Variants in ZGRF1 observed in about 807,000 individuals in gnomAD.
ZGRF1 encodes the protein zinc finger GRF-type containing 1.
In ZGRF1, 196 loss-of-function variants were observed where a neutral mutation model predicts 203.5. That is an observed-to-expected ratio of 0.96 (90% CI 0.86 to 1.08). The LOEUF is 1.08. Ranked by LOEUF, ZGRF1 falls within the 50% of genes least tolerant of loss-of-function variation. The probability of loss-of-function intolerance (pLI) is 0.00; values close to 1 mark genes in which losing one functional copy is unlikely to be tolerated. For synonymous variants in ZGRF1, 809 were observed against 841.3 expected, an observed-to-expected ratio of 0.96 and a Z score of 0.66; for missense variants, 2,326 against 2,416.3, an observed-to-expected ratio of 0.96 and a Z score of 0.78.
In ZGRF1 at chr4:112,554,750, C is replaced by A; in HGVS notation, c.5153G>T (p.Arg1718Ile). ...GGCAATCTTCCTAACACTCCCAACT[C>A]TGATAAAGTTTTCAAATCCAAGACT... ...LLSLGFENFI[R>I]VGSVRKIAKP... Residue 1718 changes from arginine (R) to isoleucine (I), a missense_variant, in exon 21 of 28, where the codon AGA becomes ATA. Coordinates refer to ENST00000505019, the MANE Select transcript of ZGRF1 (RefSeq NM_018392.5). 6.5e-7 allele frequency: 1 copy of A among 1,544,578 alleles called. No individual in the cohort carries two copies. Among genetic ancestry groups the A allele is most frequent in the Non-Finnish European group, 8.8e-7 (1 of 1,140,770 alleles).
chr4:112,598,298 GA>G (rs1749376644), intron 10 of ZGRF1, among the ~76,000 whole-genome samples: 1 of 152,036 alleles, frequency 6.6e-6, no homozygotes, highest in Admixed American at 6.5e-5. Flanking sequence ...TGAGGGTATG[GA>G]AAAACTTTGC....
chr4:112,580,538 G>T (rs1342029802), intron 16 of ZGRF1, among the ~76,000 whole-genome samples: 3 of 151,512 alleles, frequency 2.0e-5, no homozygotes, highest in Non-Finnish European at 4.4e-5. Context: ...TCTGACAAAG[G>T]GCTAATATCT....
intron 6 of ZGRF1, among the ~76,000 whole-genome samples, chr4:112,616,440 A>G (rs2046872782): frequency 6.6e-6 from 1 of 150,858 alleles, no homozygotes; most frequent in Non-Finnish European, 1.5e-5. Flanking sequence ...CAGGAGAATC[A>G]CTTGAACCCA....
chr4:112,563,768 T>A (rs541229738), intron 16 of ZGRF1, among the ~76,000 whole-genome samples: 2 of 152,218 alleles, frequency 1.3e-5, no homozygotes, highest in South Asian at 4.1e-4. Flanking sequence ...GTATTTCTCA[T>A]AGCAGTTCTG....
intron 24 of ZGRF1, among the ~76,000 whole-genome samples, chr4:112,544,610 G>T (rs1486864): frequency 0.67 from 101,668 of 152,036 alleles, 34,401 homozygotes; most frequent in East Asian, 0.91. Flanking sequence ...TTCCAGGTAC[G>T]GAGAAAACAG....
intron 6 of ZGRF1, among the ~76,000 whole-genome samples, chr4:112,616,896 A>G (rs1179833314): frequency 6.6e-6 from 1 of 152,028 alleles, no homozygotes; most frequent in Non-Finnish European, 1.5e-5. Context: ...TCTGTGGTAT[A>G]GGATTGGAAT....
At chr4:112,591,410 C>A (rs746103652) in intron 10 of ZGRF1, among the ~76,000 whole-genome samples, 5 of 152,166 alleles carry the variant, frequency 3.3e-5, no homozygotes, top group Non-Finnish European at 5.9e-5. Context: ...CCCCTACTAC[C>A]CTCTCCAGAA....
At chr4:112,557,276 A>T (rs1301008043) in intron 20 of ZGRF1, among the ~76,000 whole-genome samples, 1 of 151,954 alleles carries the variant, frequency 6.6e-6, no homozygotes, top group Non-Finnish European at 1.5e-5. Context: ...AGTTCAAGCA[A>T]TTCTCCTGCC....
intron 20 of ZGRF1, among the ~76,000 whole-genome samples, chr4:112,556,181 A>C (rs1740912056): frequency 6.6e-6 from 1 of 152,012 alleles, no homozygotes; most frequent in Non-Finnish European, 1.5e-5. Context: ...GTATATTTAG[A>C]AGCTTAAAAG....
At chr4:112,541,782 C>T (rs1578639327) in intron 24 of ZGRF1, among the ~76,000 whole-genome samples, 1 of 152,062 alleles carries the variant, frequency 6.6e-6, no homozygotes, top group African/African-American at 2.4e-5. Flanking sequence ...CTGCCTTGGC[C>T]TCCCAAAGTG....
In ZGRF1 at chr4:112,617,680, A is replaced by G; in HGVS notation, c.2362T>C (p.Leu788=). 6.2e-7 allele frequency: 1 copy of G among 1,614,012 alleles called. No individual in the cohort carries two copies. The highest frequency in any genetic ancestry group is 1.6e-4 in the Middle Eastern group (1 of 6,062). ...GGGGGTGGACTTCTAATCTTTCCCA[A>G]ATCTTCAGGTTCAGATATATGTGCT... ...TEAHISEPED[L]GKIRSPPPDH... Residue 788 remains leucine (L), a synonymous_variant, in exon 6 of 28, where the codon TTG becomes CTG. Transcript: ENST00000505019.
chr4:112,579,743 C>T (rs1343847989), intron 16 of ZGRF1, among the ~76,000 whole-genome samples: 1 of 120,546 alleles, frequency 8.3e-6, no homozygotes, highest in African/African-American at 2.9e-5. Context: ...TCAAGGAGAA[C>T]TACAAACCAC....
At chr4:112,623,985 G>A in intron 3 of ZGRF1, 109 bp from the exon 4 acceptor site, 1 of 632,118 alleles carries the variant, frequency 1.6e-6, no homozygotes, top group Admixed American at 3.0e-5. Flanking sequence ...TATAATGAAA[G>A]GATTACATTT....
intron 10 of ZGRF1, among the ~76,000 whole-genome samples, chr4:112,590,318 G>C (rs999978167): frequency 2.0e-4 from 30 of 152,250 alleles, no homozygotes; most frequent in African/African-American, 7.0e-4. Context: ...CAAATGAAGT[G>C]AACTTGTTAA....
chr4:112,587,638 ATAT>A lies in ZGRF1; in HGVS notation c.3416_3418del (p.Asn1139del), dbSNP rs1747431877. 1 of 1,613,876 alleles carries A rather than the reference ATAT, an allele frequency of 6.2e-7. No individual in the cohort carries two copies. The highest frequency in any genetic ancestry group is 8.5e-7 in the Non-Finnish European group (1 of 1,179,834). On this transcript the variant is annotated inframe_deletion, in exon 12 of 28. Transcript: ENST00000505019. ...TTTCAGCCACTTGCTCTGAGTAGAT[ATAT>A]TATTAAGTGAAACATCCCCTGGATT...
rs2047583335 is a variant in ZGRF1, at chr4:112,635,641, T to G, written c.-67+1210A>C. 2.0e-5 allele frequency among the ~76,000 whole-genome samples: 3 copies of G among 149,224 alleles called. No homozygotes were observed. In the South Asian group the frequency reaches 6.2e-4, roughly 31 times the overall value. On this transcript the variant is annotated intron_variant, in intron 1 of 27. Coordinates refer to ENST00000505019, the MANE Select transcript of ZGRF1 (RefSeq NM_018392.5). ...ATAATATATAACTATATTACTGTAT[T>G]ATGTAATATACAATTATATGATTAT...
At chr4:112,544,105 T>G (rs191779881) in intron 24 of ZGRF1, among the ~76,000 whole-genome samples, 102 of 152,282 alleles carry the variant, frequency 6.7e-4, no homozygotes, top group Admixed American at 1.3e-3. Flanking sequence ...GTTTTGCAAT[T>G]AAATTCAATT....
At chr4:112,540,488 T>C (rs1326703966) in intron 26 of ZGRF1, among the ~76,000 whole-genome samples, 5 of 152,172 alleles carry the variant, frequency 3.3e-5, no homozygotes, top group African/African-American at 1.2e-4. Flanking sequence ...TGATAAAATG[T>C]ACCAATAATA....
intron 20 of ZGRF1, among the ~76,000 whole-genome samples, chr4:112,555,795 A>G (rs558831509): frequency 5.8e-4 from 88 of 152,342 alleles, no homozygotes; most frequent in African/African-American, 8.2e-4. Context: ...ACTATAAGCA[A>G]TTGAGGCACA....
Sources: allele counts gnomAD v4.1 joint callset (sites outside exome capture counted in the v4.1 genomes callset), GRCh38; gene constraint gnomAD v4.1.1; transcripts MANE v1.5; gene names NCBI Gene and HGNC (gene_info 2026-07-23, HGNC 2026-07-21).